TRAP1: variants seen among roughly 807,000 people sequenced by gnomAD.
The protein encoded by TRAP1 is TNF receptor associated protein 1, also known as heat shock protein 75 kDa, mitochondrial.
Under a neutral mutation model 89.1 loss-of-function variants are expected in TRAP1, and 102 were observed. The ratio of observed to expected loss-of-function variants is 1.15; its 90% CI spans 0.98 to 1.35. The LOEUF (loss-of-function observed/expected upper bound fraction) is 1.35. Among genes scored for constraint, TRAP1 ranks in the 40% most tolerant of loss-of-function variants. The pLI is 0.00. For missense variants in TRAP1, 1,256 were observed against 945.3 expected (o/e 1.33, Z -4.31); for synonymous variants, 508 against 388.0 (o/e 1.31, Z -3.64).
intron 1 of TRAP1, among the ~76,000 whole-genome samples, chr16:3,712,725 G>A (rs2051548819): frequency 1.3e-5 from 2 of 151,994 alleles, no homozygotes; most frequent in Non-Finnish European, 2.9e-5. Flanking sequence ...AGCAATTCTC[G>A]TGCCTCAGCC....
chr16:3,704,679 C>A (rs1457973067), intron 1 of TRAP1, among the ~76,000 whole-genome samples: 2 of 151,966 alleles, frequency 1.3e-5, no homozygotes, highest in African/African-American at 4.8e-5. Flanking sequence ...ATAGGGAGAC[C>A]CCCCCAACTC....
In TRAP1 at chr16:3,672,757, C is replaced by A. The variant is rs144436579; in HGVS notation, c.1108G>T (p.Val370Phe). Residue 370 changes from valine (V) to phenylalanine (F), a missense_variant, in exon 10 of 18, where the codon GTC (valine) becomes TTC (phenylalanine). Val to Phe is a conservative substitution (Grantham distance 50). Transcript: ENST00000246957. ...GSSVALYSRK[V>F]LIQTKATDIL... ...TCCGTGGCCTTGGTCTGGATGAGGA[C>A]TTTGCGGCTGTACAGTGCAACGCTG... 6.2e-7 allele frequency: 1 copy of A among 1,611,988 alleles called. No homozygotes were observed. The highest frequency in any genetic ancestry group is 8.5e-7 in the Non-Finnish European group (1 of 1,179,182).
At chr16:3,683,169 CA>C (rs1181171824) in intron 4 of TRAP1, among the ~76,000 whole-genome samples, 29 of 143,228 alleles carry the variant, frequency 2.0e-4, no homozygotes, top group Admixed American at 2.8e-4. Context: ...AACCCCATTT[CA>C]AAAAAAAAAA....
At position 3,703,857 on chromosome 16, in the gene TRAP1, T is replaced by C. The variant is rs966267493; in HGVS notation, c.89-12872A>G. Among the ~76,000 whole-genome samples the C allele has an allele frequency of 5.4e-5, 8 of 149,440 alleles. 1 individual carries two copies. The highest frequency in any genetic ancestry group is 2.0e-4 in the African/African-American group (8 of 40,084). On this transcript the variant is annotated intron_variant, in intron 1 of 17. Transcript: ENST00000246957. Reference sequence around the variant, plus strand: ...GGTGAAAGCCAGTCTCTATTGAAAATACAAAAAATTAGCCGGGCGTGGTGG... The same window carrying C: ...GGTGAAAGCCAGTCTCTATTGAAAACACAAAAAATTAGCCGGGCGTGGTGG...
intron 2 of TRAP1, among the ~76,000 whole-genome samples, chr16:3,690,499 A>C (rs2051198874): frequency 6.6e-6 from 1 of 152,206 alleles, no homozygotes; most frequent in Non-Finnish European, 1.5e-5. Context: ...CAGCTCCAGA[A>C]TTCGGTCCTG....
chr16:3,678,722 A>G (rs1596719174), intron 5 of TRAP1, among the ~76,000 whole-genome samples: 1 of 152,024 alleles, frequency 6.6e-6, no homozygotes, highest in Non-Finnish European at 1.5e-5. Context: ...CGGCCTCCCA[A>G]AGTACTGGGG....
chr16:3,673,466 C>A (rs1461101260), intron 9 of TRAP1, among the ~76,000 whole-genome samples: 3 of 152,274 alleles, frequency 2.0e-5, no homozygotes, highest in African/African-American at 7.2e-5. Context: ...GGGACCCACA[C>A]CTCATCACGG....
chr16:3,690,477 G>A (rs1486887806), intron 2 of TRAP1, among the ~76,000 whole-genome samples: 1 of 152,178 alleles, frequency 6.6e-6, no homozygotes, highest in East Asian at 1.9e-4. Context: ...TACTTCAGAG[G>A]GAATGAAAAG....
At chr16:3,688,522 G>A (rs1030938041) in intron 3 of TRAP1, among the ~76,000 whole-genome samples, 3 of 151,986 alleles carry the variant, frequency 2.0e-5, no homozygotes, top group African/African-American at 7.3e-5. Context: ...TTACTCTGTT[G>A]TGCAGGTCAG....
At chr16:3,659,748 TTTAGATAGATAG>T (rs1567217519) in intron 16 of TRAP1, 2 of 111,290 alleles carry the variant, frequency 1.8e-5, no homozygotes, top group African/African-American at 1.1e-4. Flanking sequence ...CACTTTTTTT[TTTAGATAGATAG>T]ATAGATAGAT....
At chr16:3,663,788 A>G (rs1333491591) in intron 13 of TRAP1, 5 of 561,820 alleles carry the variant, frequency 8.9e-6, no homozygotes, top group African/African-American at 7.6e-5. Context: ...AGAAATCCAC[A>G]TGTGGCTGAG....
At chr16:3,679,849 C>A in intron 4 of TRAP1, 59 bp from the exon 5 acceptor site, 1 of 1,552,608 alleles carries the variant, frequency 6.4e-7, no homozygotes, top group Non-Finnish European at 8.9e-7. Flanking sequence ...CGGGTGAGTG[C>A]ACCAGCAGTC....
At chr16:3,691,048 T>G in intron 1 of TRAP1, 63 bp from the exon 2 acceptor site, 1 of 1,399,074 alleles carries the variant, frequency 7.1e-7, no homozygotes, top group Non-Finnish European at 9.4e-7. Flanking sequence ...ATATGGTAAT[T>G]CGTCCCATCA....
Position 3,664,188 on chromosome 16 carries a change from C to T in TRAP1, c.1569+86G>A, listed in dbSNP as rs1277140910. 3.6e-6 allele frequency: 5 copies of T among 1,381,282 alleles called. No homozygotes were observed. In the Admixed American group the frequency reaches 8.8e-5, roughly 24 times the overall value. The allele number at this position is 1,381,282 out of a possible 1,614,324, so 85.6% of individuals were successfully genotyped here. A position where few individuals can be genotyped will look rare whatever the true frequency, so the allele number is the denominator to read the frequency against. On this transcript the variant is annotated intron_variant, in intron 13 of 17. Coordinates refer to ENST00000246957, the MANE Select transcript of TRAP1 (RefSeq NM_016292.3). ...GTGCAGCCCTGCCCGGAGTCTTGGG[C>T]AGGTTCACCCAGCACAGAGCTGAGA...
Position 3,674,328 on chromosome 16 carries a change from C to T in TRAP1, c.1044+11G>A. 4.3e-6 allele frequency: 7 copies of T among 1,613,576 alleles called. No individual in the cohort carries two copies. The Middle Eastern group carries it at 5.0e-4, about 114-fold the overall frequency. On this transcript the variant is annotated intron_variant, in intron 9 of 17. Coordinates refer to ENST00000246957, the MANE Select transcript of TRAP1 (RefSeq NM_016292.3). Reference sequence around the variant, plus strand: ...CACCCTGAGGGCCGTGGGACTGCCACAGTGCCTCACCATGTCGGGCACGTA... The same window carrying T: ...CACCCTGAGGGCCGTGGGACTGCCATAGTGCCTCACCATGTCGGGCACGTA...
chr16:3,674,889 C>A, intron 8 of TRAP1: 1 of 326,644 alleles, frequency 3.1e-6, no homozygotes, highest in Non-Finnish European at 5.8e-6. Flanking sequence ...CCGTGTGACT[C>A]CATCCAGGAG....
intron 1 of TRAP1, chr16:3,691,238 G>T (rs2051210457): frequency 3.3e-6 from 1 of 301,472 alleles, no homozygotes; most frequent in African/African-American, 2.2e-5. Flanking sequence ...GAGGGGGTGG[G>T]CTGCTGCCTT....
intron 4 of TRAP1, among the ~76,000 whole-genome samples, chr16:3,684,247 T>C (rs1024061844): frequency 1.3e-5 from 2 of 152,178 alleles, no homozygotes; most frequent in African/African-American, 2.4e-5. Flanking sequence ...AAGAAAAAGA[T>C]GATTTTGCCA....
chr16:3,711,144 G>A (rs1422768781), intron 1 of TRAP1, among the ~76,000 whole-genome samples: 2 of 151,894 alleles, frequency 1.3e-5, no homozygotes, highest in Non-Finnish European at 2.9e-5. Flanking sequence ...CCAAAGTGCT[G>A]GGATTACAAG....
Sources: allele counts gnomAD v4.1 joint callset (sites outside exome capture counted in the v4.1 genomes callset), GRCh38; gene constraint gnomAD v4.1.1; transcripts MANE v1.5; gene names NCBI Gene and HGNC (gene_info 2026-07-23, HGNC 2026-07-21).